SPIDR: variants seen among roughly 807,000 people sequenced by gnomAD.
SPIDR encodes the protein scaffold protein involved in DNA repair, also known as DNA repair-scaffolding protein.
In SPIDR, 93 loss-of-function variants were observed where a neutral mutation model predicts 104.6. The observed-to-expected ratio is 0.89, with a 90% CI of 0.75 to 1.06. SPIDR has a LOEUF of 1.06. Ranked by LOEUF, SPIDR falls within the 50% of genes least tolerant of loss-of-function variation. The pLI is 0.00. For synonymous variants in SPIDR, 431 were observed against 416.9 expected (o/e 1.03, Z -0.41); for missense variants, 1,154 against 1,111.2 (o/e 1.04, Z -0.55).
At chr8:47,591,851 G>A (rs560859122) in intron 8 of SPIDR, among the ~76,000 whole-genome samples, 2 of 151,844 alleles carry the variant, frequency 1.3e-5, no homozygotes, top group East Asian at 1.9e-4. Context: ...CATTCACAGT[G>A]CTTTATACTT....
intron 8 of SPIDR, among the ~76,000 whole-genome samples, chr8:47,487,072 G>A (rs1010249619): frequency 6.6e-6 from 1 of 152,170 alleles, no homozygotes; most frequent in Non-Finnish European, 1.5e-5. Context: ...GATAAACAGT[G>A]AAGATCCATC....
intron 6 of SPIDR, among the ~76,000 whole-genome samples, chr8:47,405,291 C>CGTACGT (rs1329943008): frequency 6.9e-6 from 1 of 144,896 alleles, no homozygotes; most frequent in Non-Finnish European, 1.5e-5. Context: ...CAACATGGCA[C>CGTACGT]GTGTGTGTGT....
At chr8:47,638,111 T>C (rs949539345) in intron 10 of SPIDR, among the ~76,000 whole-genome samples, 5 of 152,208 alleles carry the variant, frequency 3.3e-5, no homozygotes, top group Non-Finnish European at 7.3e-5. Context: ...TATACTCCCA[T>C]AATTTTGAGT....
At chr8:47,636,383 G>A (rs531370260) in intron 10 of SPIDR, among the ~76,000 whole-genome samples, 5 of 152,174 alleles carry the variant, frequency 3.3e-5, no homozygotes, top group Non-Finnish European at 5.9e-5. Context: ...AGAGAAGTCA[G>A]TAAGCCTCCA....
chr8:47,582,790 CAACAT>C (rs1325999405), intron 8 of SPIDR, among the ~76,000 whole-genome samples: 1 of 149,618 alleles, frequency 6.7e-6, no homozygotes, highest in Non-Finnish European at 1.5e-5. Flanking sequence ...GTTGTCTGGG[CAACAT>C]AGCAAGACTC....
At chr8:47,478,632 C>T (rs530216802) in intron 8 of SPIDR, among the ~76,000 whole-genome samples, 3 of 152,316 alleles carry the variant, frequency 2.0e-5, no homozygotes, top group African/African-American at 7.2e-5. Flanking sequence ...AACACACAGT[C>T]ACTGTGGTTT....
At chr8:47,628,874 A>G (rs921598675) in intron 10 of SPIDR, among the ~76,000 whole-genome samples, 1 of 152,234 alleles carries the variant, frequency 6.6e-6, no homozygotes, top group African/African-American at 2.4e-5. Flanking sequence ...AACTTAGCCA[A>G]TATTCTCAAG....
At chr8:47,360,460 A>G (rs1460946223) in intron 5 of SPIDR, among the ~76,000 whole-genome samples, 1 of 152,060 alleles carries the variant, frequency 6.6e-6, no homozygotes, top group Non-Finnish European at 1.5e-5. Flanking sequence ...TCATTGATCT[A>G]TTTTAACTAT....
rs1052883264 is a variant in SPIDR, at chr8:47,293,309, A to T, written c.362-558A>T. Among the ~76,000 whole-genome samples the T allele has an allele frequency of 2.1e-4, 32 of 152,324 alleles. No homozygotes were observed. In the East Asian group the frequency reaches 6.2e-3, roughly 29 times the overall value. The stretch of plus-strand genomic sequence containing the variant: ...AAGGAGGAAAAAAATAACAATACAT[A>T]GTTTATTTGCTTAAACATGCTGGAG... On this transcript the variant is annotated intron_variant, in intron 4 of 19. Transcript: ENST00000297423.
intron 8 of SPIDR, among the ~76,000 whole-genome samples, chr8:47,523,688 A>G (rs544497162): frequency 6.6e-6 from 1 of 152,170 alleles, no homozygotes; most frequent in East Asian, 1.9e-4. Context: ...TTTCCCTGTT[A>G]CATAGTGCTG....
At chr8:47,351,179 T>C (rs566810483) in intron 5 of SPIDR, among the ~76,000 whole-genome samples, 2 of 152,228 alleles carry the variant, frequency 1.3e-5, no homozygotes, top group Non-Finnish European at 2.9e-5. Flanking sequence ...ATTATTATGT[T>C]GTTAATCTCT....
intron 10 of SPIDR, among the ~76,000 whole-genome samples, chr8:47,638,931 T>A (rs2154445972): frequency 6.6e-6 from 1 of 152,348 alleles, no homozygotes; most frequent in East Asian, 1.9e-4. Flanking sequence ...TCTGAATGAT[T>A]TACCATTCTT....
At chr8:47,469,734 G>T (rs1257998850) in intron 8 of SPIDR, among the ~76,000 whole-genome samples, 1 of 152,132 alleles carries the variant, frequency 6.6e-6, no homozygotes, top group Non-Finnish European at 1.5e-5. Context: ...GTGGGCGGAA[G>T]GAGGGAGAGG....
At chr8:47,369,426 C>T (rs1587808372) in intron 5 of SPIDR, among the ~76,000 whole-genome samples, 1 of 152,242 alleles carries the variant, frequency 6.6e-6, no homozygotes, top group Non-Finnish European at 1.5e-5. Context: ...TTTCTCAAGC[C>T]CTTGAGACAC....
chr8:47,624,502 A>C (rs2065696668), intron 10 of SPIDR, among the ~76,000 whole-genome samples: 1 of 152,190 alleles, frequency 6.6e-6, no homozygotes, highest in African/African-American at 2.4e-5. Context: ...AGACTAATAA[A>C]GAAGAAAAGA....
At chr8:47,368,596 A>T (rs782446128) in intron 5 of SPIDR, among the ~76,000 whole-genome samples, 9 of 152,108 alleles carry the variant, frequency 5.9e-5, no homozygotes, top group South Asian at 4.1e-4. Flanking sequence ...TTCAATGCGC[A>T]TGTCTTTTCT....
intron 10 of SPIDR, among the ~76,000 whole-genome samples, chr8:47,640,362 T>G (rs2068672544): frequency 6.6e-6 from 1 of 152,114 alleles, no homozygotes; most frequent in Non-Finnish European, 1.5e-5. Context: ...TTGGACTCCT[T>G]CGTACCCACC....
chr8:47,585,125 A>G (rs1298368400), intron 8 of SPIDR, among the ~76,000 whole-genome samples: 1 of 152,234 alleles, frequency 6.6e-6, no homozygotes, highest in Non-Finnish European at 1.5e-5. Flanking sequence ...ATAATTAATC[A>G]TATGCCTCCG....
intron 5 of SPIDR, among the ~76,000 whole-genome samples, chr8:47,367,162 G>A (rs1043562751): frequency 8.5e-5 from 13 of 152,202 alleles, no homozygotes; most frequent in Admixed American, 7.2e-4. Flanking sequence ...TTCGAAGCAG[G>A]AGAGGGGTTT....
Sources: allele counts gnomAD v4.1 joint callset (sites outside exome capture counted in the v4.1 genomes callset), GRCh38; gene constraint gnomAD v4.1.1; transcripts MANE v1.5; gene names NCBI Gene and HGNC (gene_info 2026-07-23, HGNC 2026-07-21).